Variants in OR56A3 observed in about 807,000 individuals in gnomAD.
OR56A3 encodes the protein olfactory receptor 56A3.
In OR56A3, 23 loss-of-function variants were observed where a neutral mutation model predicts 17.5. That is an observed-to-expected ratio of 1.32 (90% CI 0.95 to 1.87). The LOEUF (loss-of-function observed/expected upper bound fraction) is 1.87, where lower values mean the gene tolerates loss of function less well. Ranked by LOEUF, OR56A3 falls within the 40% of genes most tolerant of loss-of-function variation. The pLI, the probability that OR56A3 is intolerant of heterozygous loss-of-function variation, is 0.00. For synonymous variants in OR56A3, 175 were observed against 150.6 expected, an observed-to-expected ratio of 1.16 and a Z score of -1.19; for missense variants, 366 against 380.1, an observed-to-expected ratio of 0.96 and a Z score of 0.31.
At chr11:5,953,071 T>G (rs1355921242), downstream of OR56A3, among the ~76,000 whole-genome samples, 1 of 152,222 alleles carries the variant, frequency 6.6e-6, no homozygotes, top group Non-Finnish European at 1.5e-5. Context: ...GCACCTAGGC[T>G]GATTCTATGT....
the OR56A3 span, chr11:6,006,433 G>A: frequency 6.6e-6 from 1 of 152,140 alleles, no homozygotes. Context: ...GGTCATTGTG[G>A]TTATTCATTC....
the OR56A3 span, among the ~76,000 whole-genome samples, chr11:5,983,237 A>T: frequency 6.6e-6 from 1 of 151,438 alleles, no homozygotes; most frequent in East Asian, 1.9e-4. Flanking sequence ...TAAAGTATAA[A>T]TTTTTCTCTG....
At chr11:5,993,562 T>C in the OR56A3 span, among the ~76,000 whole-genome samples, 130 of 152,262 alleles carry the variant, frequency 8.5e-4, no homozygotes, top group African/African-American at 3.1e-3. Flanking sequence ...TAAATGTAAA[T>C]ATAAGAATGT....
the OR56A3 span, among the ~76,000 whole-genome samples, chr11:6,003,737 G>A: frequency 6.6e-6 from 1 of 152,114 alleles, no homozygotes; most frequent in Non-Finnish European, 1.5e-5. Flanking sequence ...ATGACACAAC[G>A]TTGTGTGAAA....
the OR56A3 span, among the ~76,000 whole-genome samples, chr11:5,978,475 A>G: frequency 6.6e-6 from 1 of 151,608 alleles, no homozygotes; most frequent in Non-Finnish European, 1.5e-5. Context: ...TTTTGTGGCT[A>G]TTGTAATGGG....
chr11:6,020,912 T>C, the OR56A3 span: 1 of 152,100 alleles, frequency 6.6e-6, no homozygotes, highest in African/African-American at 2.4e-5. Context: ...CTTCCATCTT[T>C]TGCCCATTTT....
At chr11:5,992,294 A>G in the OR56A3 span, among the ~76,000 whole-genome samples, 10 of 152,194 alleles carry the variant, frequency 6.6e-5, no homozygotes, top group African/African-American at 2.4e-4. Flanking sequence ...TCCTTCTCCA[A>G]CGCAGTTCAC....
At chr11:5,955,824 T>G (rs556625002), downstream of OR56A3, among the ~76,000 whole-genome samples, 1 of 152,326 alleles carries the variant, frequency 6.6e-6, no homozygotes, top group Non-Finnish European at 1.5e-5. Flanking sequence ...CTTGTTATAC[T>G]TGGTCTGATT....
chr11:5,959,289 A>AT, the OR56A3 span, among the ~76,000 whole-genome samples: 1 of 151,856 alleles, frequency 6.6e-6, no homozygotes, highest in Non-Finnish European at 1.5e-5. Context: ...AATATTTGCT[A>AT]TTTTTTGTGG....
At chr11:6,003,030 T>C in the OR56A3 span, 1 of 1,614,146 alleles carries the variant, frequency 6.2e-7, no homozygotes, top group Non-Finnish European at 8.5e-7. Flanking sequence ...CCAGTGTACC[T>C]TAAAACGTAG....
the OR56A3 span, chr11:6,001,762 T>C: frequency 3.1e-6 from 1 of 321,822 alleles, no homozygotes; most frequent in Non-Finnish European, 5.6e-6. Flanking sequence ...TCCATTCTAA[T>C]ACAGCTCCAT....
the OR56A3 span, chr11:6,006,376 T>C: frequency 6.6e-6 from 1 of 152,238 alleles, no homozygotes; most frequent in Non-Finnish European, 1.5e-5. Context: ...ATCTTCAGTA[T>C]GCCAACTCCA....
the OR56A3 span, among the ~76,000 whole-genome samples, chr11:5,983,540 C>T: frequency 6.6e-6 from 1 of 152,008 alleles, no homozygotes; most frequent in East Asian, 1.9e-4. Context: ...GCAATAAGCC[C>T]AAAGTTCCCT....
At chr11:5,945,601 A>AAAAAAAG (rs1194101404) in intron 2 of OR56A3, among the ~76,000 whole-genome samples, 2 of 137,234 alleles carry the variant, frequency 1.5e-5, no homozygotes, top group African/African-American at 5.7e-5. Flanking sequence ...AAAAAAAAAA[A>AAAAAAAG]AATTATTTCT....
At chr11:5,997,693 A>T in the OR56A3 span, among the ~76,000 whole-genome samples, 29 of 152,322 alleles carry the variant, frequency 1.9e-4, no homozygotes, top group African/African-American at 6.7e-4. Context: ...AAAAACAAAT[A>T]TTTCTAGACT....
the OR56A3 span, among the ~76,000 whole-genome samples, chr11:5,963,125 A>T: frequency 1.3e-5 from 2 of 152,024 alleles, no homozygotes; most frequent in African/African-American, 4.8e-5. Context: ...TTATCATTTT[A>T]AAAAACCTCC....
chr11:5,985,836 C>T, the OR56A3 span: 1 of 1,070,756 alleles, frequency 9.3e-7, no homozygotes, highest in Non-Finnish European at 1.3e-6. Context: ...AGAAGGAATA[C>T]TCACTGCAAA....
At chr11:6,016,105 C>T in the OR56A3 span, among the ~76,000 whole-genome samples, 4 of 152,088 alleles carry the variant, frequency 2.6e-5, no homozygotes, top group South Asian at 6.2e-4. Flanking sequence ...TGGTTTAACA[C>T]CATCCCCCTG....
chr11:5,978,462 A>T, the OR56A3 span, among the ~76,000 whole-genome samples: 1 of 150,992 alleles, frequency 6.6e-6, no homozygotes, highest in African/African-American at 2.4e-5. Flanking sequence ...TTATTTTTTT[A>T]TTTTTTGTGG....
Sources: gnomAD v4.1 joint callset for allele counts (sites outside exome capture counted in the v4.1 genomes callset) on GRCh38, gnomAD v4.1.1 for gene constraint, MANE v1.5 for transcripts, NCBI Gene and HGNC (gene_info 2026-07-23, HGNC 2026-07-21) for gene names.